The following AGO2 variants were observed in gnomAD, a reference collection of about 807,000 sequenced individuals.
The protein encoded by AGO2 is protein argonaute-2.
In AGO2, 5 loss-of-function variants were observed where a neutral mutation model predicts 102.3. The ratio of observed to expected loss-of-function variants is 0.05; its 90% CI spans 0.03 to 0.10. AGO2 has a LOEUF of 0.10. Ranked by LOEUF, AGO2 falls within the 10% of genes least tolerant of loss-of-function variation. The probability of loss-of-function intolerance (pLI) is 1.00; values close to 1 mark genes in which losing one functional copy is unlikely to be tolerated. For missense variants in AGO2, 541 were observed against 1,183.7 expected, an observed-to-expected ratio of 0.46 and a Z score of 7.97; for synonymous variants, 449 against 473.1, an observed-to-expected ratio of 0.95 and a Z score of 0.66.
rs769661589 is a variant in AGO2, at chr8:140,557,161, C to T, written c.954G>A (p.Leu318=). The change falls in exon 8 of 19, where the codon TTG becomes TTA. Residue 318 remains leucine (L), a synonymous_variant. Transcript: ENST00000220592. This position sits in a 1 kb window ranked among gnomAD's most constrained non-coding sequence, Gnocchi z 5.9. ...ATGGGAGGTGGGGGTAGCGCAGAACCAACTTGTGCCTGTCCTTGAAATACT... is the reference window on the plus strand; with the variant it reads ...ATGGGAGGTGGGGGTAGCGCAGAACTAACTTGTGCCTGTCCTTGAAATACT... ...VAQYFKDRHK[L]VLRYPHLPCL... The T allele has an allele frequency of 6.2e-7, 1 of 1,614,102 alleles. No homozygotes were observed. Among genetic ancestry groups the T allele is most frequent in the Non-Finnish European group, 8.5e-7 (1 of 1,180,002 alleles).
chr8:140,631,318 G>T (rs1322668701), intron 1 of AGO2, among the ~76,000 whole-genome samples: 4 of 152,272 alleles, frequency 2.6e-5, no homozygotes, highest in Middle Eastern at 3.4e-3. Context: ...GAGGCAGGTA[G>T]ATCACCTGAG....
At chr8:140,578,143 C>G (rs148291893) in intron 2 of AGO2, among the ~76,000 whole-genome samples, 1 of 152,278 alleles carries the variant, frequency 6.6e-6, no homozygotes, top group African/African-American at 2.4e-5. Context: ...GAGGAGGGGC[C>G]GATCTTGTGT....
chr8:140,546,325 T>A (rs2072899985), intron 13 of AGO2, among the ~76,000 whole-genome samples: 1 of 152,210 alleles, frequency 6.6e-6, no homozygotes, highest in South Asian at 2.1e-4. Flanking sequence ...TGGTCCCCCA[T>A]GTGGCAGCAT....
chr8:140,558,901 T>G (rs796588553), intron 6 of AGO2, among the ~76,000 whole-genome samples: 4 of 152,278 alleles, frequency 2.6e-5, no homozygotes, highest in African/African-American at 9.6e-5. Context: ...AAGGACGGGT[T>G]CAGCGGGCAG....
intron 1 of AGO2, among the ~76,000 whole-genome samples, chr8:140,611,168 C>T (rs1179620249): frequency 2.6e-5 from 4 of 152,182 alleles, no homozygotes; most frequent in Non-Finnish European, 5.9e-5. Context: ...ACTGCAGGTG[C>T]ATCTGCACAG....
chr8:140,572,622 C>T, intron 3 of AGO2, 190 bp downstream of exon 3: 1 of 739,058 alleles, frequency 1.4e-6, no homozygotes, highest in Middle Eastern at 4.1e-4. Flanking sequence ...GTTAAACCCC[C>T]ATCACTGAAA....
chr8:140,599,326 G>A (rs2073895950), intron 1 of AGO2, among the ~76,000 whole-genome samples: 1 of 152,216 alleles, frequency 6.6e-6, no homozygotes, highest in African/African-American at 2.4e-5. Flanking sequence ...TTTCATACAT[G>A]AGACGGGGGA....
intron 1 of AGO2, among the ~76,000 whole-genome samples, chr8:140,610,728 G>A (rs996371467): frequency 2.6e-5 from 4 of 152,142 alleles, no homozygotes; most frequent in Admixed American, 1.3e-4. Flanking sequence ...CACTGTCTCT[G>A]CACCAGAGGG....
upstream of AGO2, among the ~76,000 whole-genome samples, chr8:140,639,404 C>A (rs967602687): frequency 6.6e-6 from 1 of 150,478 alleles, no homozygotes; most frequent in Non-Finnish European, 1.5e-5. Context: ...TCACTTGAAC[C>A]TGGGAGGCGG....
At chr8:140,613,743 T>C (rs1026759269) in intron 1 of AGO2, among the ~76,000 whole-genome samples, 3 of 152,096 alleles carry the variant, frequency 2.0e-5, no homozygotes, top group African/African-American at 7.2e-5. Flanking sequence ...TGGCCAGGCA[T>C]GGTAGCTCAC....
intron 1 of AGO2, among the ~76,000 whole-genome samples, chr8:140,629,418 G>A (rs554082874): frequency 1.3e-5 from 2 of 152,280 alleles, no homozygotes; most frequent in South Asian, 4.1e-4. Context: ...GGTTGGAGAG[G>A]ATGCTAGTCA....
intron 2 of AGO2, among the ~76,000 whole-genome samples, chr8:140,580,912 G>A (rs1348902689): frequency 2.6e-5 from 4 of 152,254 alleles, no homozygotes; most frequent in African/African-American, 9.6e-5. Context: ...TACCAACTGC[G>A]TGACCTGAGC....
chr8:140,581,648 T>C (rs1174289151), intron 2 of AGO2, among the ~76,000 whole-genome samples: 1 of 152,212 alleles, frequency 6.6e-6, no homozygotes, highest in Non-Finnish European at 1.5e-5. Context: ...GTCCCACTGA[T>C]GGAGAGCCAC....
intron 17 of AGO2, among the ~76,000 whole-genome samples, chr8:140,534,551 G>A (rs137911257): frequency 6.0e-4 from 91 of 152,324 alleles, no homozygotes; most frequent in African/African-American, 1.9e-3. Context: ...CTCAGCTCCC[G>A]GGCTGCAGGC....
chr8:140,571,884 TAC>T (rs1158544050), intron 3 of AGO2, among the ~76,000 whole-genome samples: 1 of 152,192 alleles, frequency 6.6e-6, no homozygotes, highest in African/African-American at 2.4e-5. Flanking sequence ...TAGGTGGGAT[TAC>T]AGGCACCTAG....
Position 140,612,620 on chromosome 8 carries a change from T to C in AGO2, c.22+22865A>G, listed in dbSNP as rs538334797. Among the ~76,000 whole-genome samples, 15 of 151,474 alleles carry C rather than the reference T, an allele frequency of 9.9e-5. No individual in the cohort carries two copies. In the South Asian group the frequency reaches 3.1e-3, roughly 32 times the overall value. ...TGCTATAAATATAAAATTAGCCGGGTGTGGTGGCTGTAATCCCAGCTACTC... is the reference window on the plus strand; with the variant it reads ...TGCTATAAATATAAAATTAGCCGGGCGTGGTGGCTGTAATCCCAGCTACTC... On this transcript the variant is annotated intron_variant, in intron 1 of 18. Coordinates refer to ENST00000220592, the MANE Select transcript of AGO2 (RefSeq NM_012154.5).
At chr8:140,564,670 C>G (rs534098039) in intron 3 of AGO2, among the ~76,000 whole-genome samples, 1 of 152,214 alleles carries the variant, frequency 6.6e-6, no homozygotes, top group Non-Finnish European at 1.5e-5. Context: ...GGGCCAGGCA[C>G]AGTGGCTCAT....
chr8:140,534,945 A>G (rs934847489), intron 17 of AGO2, among the ~76,000 whole-genome samples: 1 of 152,220 alleles, frequency 6.6e-6, no homozygotes, highest in Non-Finnish European at 1.5e-5. Flanking sequence ...GGAACCCAGG[A>G]GAGCCTCAAG....
At chr8:140,628,887 G>C (rs2074307191) in intron 1 of AGO2, among the ~76,000 whole-genome samples, 1 of 151,970 alleles carries the variant, frequency 6.6e-6, no homozygotes, top group South Asian at 2.1e-4. Context: ...AGGAGTTCGA[G>C]ACCAGTCTGG....
Sources: gnomAD v4.1 joint callset for allele counts (sites outside exome capture counted in the v4.1 genomes callset) on GRCh38, gnomAD v4.1.1 for gene constraint, Gnocchi (gnomAD v3.1) non-coding constraint, MANE v1.5 for transcripts, NCBI Gene and HGNC (gene_info 2026-07-23, HGNC 2026-07-21) for gene names.